Variants in USP39 observed in about 807,000 individuals in gnomAD.
USP39 encodes the protein ubiquitin specific peptidase 39, also known as ubiquitin carboxyl-terminal hydrolase 39.
Under a neutral mutation model 66.4 loss-of-function variants are expected in USP39, and 38 were observed. The observed-to-expected ratio is 0.57, with a 90% confidence interval of 0.44 to 0.75. The LOEUF (loss-of-function observed/expected upper bound fraction) is 0.75, where lower values mean the gene tolerates loss of function less well. Ranked by LOEUF, USP39 falls within the 30% of genes least tolerant of loss-of-function variation. The pLI is 0.00. For synonymous variants in USP39, 303 were observed against 274.6 expected (o/e 1.10, Z -1.02); for missense variants, 608 against 714.4 (o/e 0.85, Z 1.70).
At chr2:85,604,972 G>C (rs960137573) in intron 1 of USP39, among the ~76,000 whole-genome samples, 1 of 152,212 alleles carries the variant, frequency 6.6e-6, no homozygotes, top group Non-Finnish European at 1.5e-5. Context: ...ATCCCAGGAT[G>C]GAGCTCCGTA....
chr2:85,612,010 GC>G (rs1673582393), upstream of USP39: 1 of 1,467,966 alleles, frequency 6.8e-7, no homozygotes. Flanking sequence ...CAGAGTCGCC[GC>G]CGCCTCGACG....
chr2:85,611,772 T>C (rs1348386051), upstream of USP39: 4 of 1,612,184 alleles, frequency 2.5e-6, no homozygotes, highest in Non-Finnish European at 3.4e-6. Flanking sequence ...CTTCACCTTC[T>C]TGTCATAGTC....
Position 85,603,571 on chromosome 2 carries a change from C to CT in USP39, n.226+500dup, listed in dbSNP as rs919788857. Among the ~76,000 whole-genome samples, 186 of 147,270 alleles carry CT rather than the reference C, an allele frequency of 1.3e-3. 1 individual carries two copies. Among genetic ancestry groups the CT allele is most frequent in the African/African-American group, 3.7e-3 (149 of 40,278 alleles). On this transcript the variant is annotated intron_variant and non_coding_transcript_variant, in intron 1 of 12. Transcript: ENST00000459775. ...GCTATGAGTGCATTCCTGGATGTTT[C>CT]TTTTTTTTTTACTTTTTCTTTTTCT... is the stretch of plus-strand genomic sequence containing the variant.
At chr2:85,611,074 C>G (rs1486229119), upstream of USP39, 1 of 224,624 alleles carries the variant, frequency 4.5e-6, no homozygotes, top group Admixed American at 5.6e-5. Flanking sequence ...AACCCCTTCT[C>G]TACAAGAAAT....
intron 9 of USP39, among the ~76,000 whole-genome samples, chr2:85,640,685 C>G (rs1259941050): frequency 6.7e-6 from 1 of 148,444 alleles, no homozygotes; most frequent in African/African-American, 2.5e-5. Context: ...GTTGTCAAGG[C>G]TGGTCTCGAA....
chr2:85,625,398 C>A, intron 4 of USP39, 141 bp from the exon 5 acceptor site: 1 of 1,021,014 alleles, frequency 9.8e-7, no homozygotes, highest in Admixed American at 2.4e-5. Flanking sequence ...TCAATCTTTA[C>A]ACCTACTGGT....
At chr2:85,645,250 G>T in intron 11 of USP39, 167 bp downstream of exon 11, 1 of 919,034 alleles carries the variant, frequency 1.1e-6, no homozygotes, top group Non-Finnish European at 1.6e-6. Context: ...TCTCAATTTT[G>T]GCTACACATT....
chr2:85,643,808 C>T (rs1676435545), intron 10 of USP39, among the ~76,000 whole-genome samples: 1 of 151,956 alleles, frequency 6.6e-6, no homozygotes, highest in Non-Finnish European at 1.5e-5. Flanking sequence ...CCGCCACGCC[C>T]AGCTAATTTT....
chr2:85,633,046 A>C (rs539058657), intron 6 of USP39, among the ~76,000 whole-genome samples: 110 of 126,438 alleles, frequency 8.7e-4, no homozygotes, highest in Non-Finnish European at 1.5e-3. Flanking sequence ...ATCCTGAGGG[A>C]GGGACCAGAT....
intron 9 of USP39, among the ~76,000 whole-genome samples, chr2:85,640,229 G>A (rs1247797866): frequency 6.6e-6 from 1 of 151,818 alleles, no homozygotes; most frequent in African/African-American, 2.4e-5. Flanking sequence ...CTGCCTCTGG[G>A]GTAGTATAGA....
chr2:85,603,443 T>C (rs1315792274), intron 1 of USP39, among the ~76,000 whole-genome samples: 1 of 151,826 alleles, frequency 6.6e-6, no homozygotes, highest in African/African-American at 2.4e-5. Context: ...ATGGCCAGTG[T>C]TGGTAAGCAA....
chr2:85,613,345 A>T (rs1335361638), upstream of USP39, among the ~76,000 whole-genome samples: 1 of 150,972 alleles, frequency 6.6e-6, no homozygotes, highest in Non-Finnish European at 1.5e-5. Flanking sequence ...CGTCTCTACT[A>T]AAAAAAAATA....
chr2:85,631,634 GAA>G (rs1410531841), intron 6 of USP39, among the ~76,000 whole-genome samples: 1 of 152,166 alleles, frequency 6.6e-6, no homozygotes, highest in African/African-American at 2.4e-5. Flanking sequence ...ATGGCTTAGG[GAA>G]ATACCAGGAG....
chr2:85,633,801 G>A (rs1229043568), intron 6 of USP39, among the ~76,000 whole-genome samples: 1 of 149,112 alleles, frequency 6.7e-6, no homozygotes, highest in Non-Finnish European at 1.5e-5. Flanking sequence ...TCTGGCTGAG[G>A]ATTGACTTAG....
intron 6 of USP39, among the ~76,000 whole-genome samples, chr2:85,632,641 G>T (rs1432287682): frequency 6.6e-6 from 1 of 151,878 alleles, no homozygotes; most frequent in Non-Finnish European, 1.5e-5. Context: ...GTAGAGACAG[G>T]GTTTCATCGT....
In USP39 at chr2:85,621,510, A is replaced by G; in HGVS notation, c.364A>G (p.Lys122Glu). The change falls in exon 3 of 13, where the codon AAA (lysine) becomes GAA (glutamate). Residue 122 changes from lysine (K) to glutamate (E), a missense_variant. Coordinates refer to ENST00000323701, the MANE Select transcript of USP39 (RefSeq NM_006590.4). Reference protein sequence around the residue: ...NRSVLDFDFEKLCSISLSHIN... With the variant: ...NRSVLDFDFEELCSISLSHIN... ...GAGTGTGCTGGACTTTGACTTTGAG[A>G]AACTGTGTTCTATCTCCCTCTCACA... 1 of 1,614,040 alleles carries G rather than the reference A, an allele frequency of 6.2e-7. No individual in the cohort carries two copies. Among genetic ancestry groups the G allele is most frequent in the Non-Finnish European group, 8.5e-7 (1 of 1,179,990 alleles).
Position 85,644,951 on chromosome 2 carries a change from T to C in USP39, c.1431T>C (p.Asn477=), listed in dbSNP as rs1273725310. 6 of 1,613,870 alleles carry C rather than the reference T, an allele frequency of 3.7e-6. No homozygotes were observed. The highest frequency in any genetic ancestry group is 1.3e-5 in the African/African-American group (1 of 74,888). ...GCTTTATTTTAACCATTAACAGAAA[T>C]GTGGATCTGAGAGAATACTTGTCTG... is the stretch of plus-strand genomic sequence containing the variant. ...NPTIVNFPIT[N]VDLREYLSEE... Residue 477 remains asparagine, a synonymous_variant, in exon 11 of 13, where the codon AAT becomes AAC. Coordinates refer to ENST00000323701, the MANE Select transcript of USP39 (RefSeq NM_006590.4).
upstream of USP39, chr2:85,611,634 G>C: frequency 6.4e-7 from 1 of 1,564,440 alleles, no homozygotes; most frequent in African/African-American, 1.3e-5. Context: ...GGAAGAGCGC[G>C]CGGGCTGGAG....
upstream of USP39, chr2:85,611,970 C>G (rs779179161): frequency 6.4e-5 from 97 of 1,522,300 alleles, no homozygotes; most frequent in Non-Finnish European, 8.3e-5. Flanking sequence ...GCCGGGGATG[C>G]GGCCCCGCCT....
Sources: allele counts gnomAD v4.1 joint callset (sites outside exome capture counted in the v4.1 genomes callset), GRCh38; gene constraint gnomAD v4.1.1; transcripts MANE v1.5; gene names NCBI Gene and HGNC (gene_info 2026-07-23, HGNC 2026-07-21).